Variants in FAM78A observed in about 807,000 individuals in gnomAD.
The protein encoded by FAM78A is family with sequence similarity 78 member A.
FAM78A carries 12 observed loss-of-function variants against 22.6 expected under a neutral mutation model. The observed-to-expected ratio is 0.53, with a 90% confidence interval of 0.34 to 0.86. The LOEUF (loss-of-function observed/expected upper bound fraction) is 0.86. Ranked by LOEUF, FAM78A falls within the 40% of genes least tolerant of loss-of-function variation. The pLI is 0.02. For missense variants in FAM78A, 322 were observed against 396.1 expected (o/e 0.81, Z 1.59); for synonymous variants, 151 against 155.8 (o/e 0.97, Z 0.23).
chr9:131,276,965 AG>A (rs1355972558), upstream of FAM78A, among the ~76,000 whole-genome samples: 1 of 149,486 alleles, frequency 6.7e-6, no homozygotes, highest in Non-Finnish European at 1.5e-5. The surrounding 1 kb of genome is among the most constrained non-coding windows in gnomAD (Gnocchi z 4.3). Context: ...TGGAAGGGAC[AG>A]CGCGTCAAGG....
rs1350755845 is a variant in FAM78A at position 131,258,139 on chromosome 9, A to AG, written c.*2682_*2683insC. 1 of 152,016 alleles carries AG rather than the reference A, an allele frequency of 6.6e-6. No homozygotes were observed. The highest frequency in any genetic ancestry group is 2.4e-5 in the African/African-American group (1 of 41,284). The allele number at this position is 152,016 out of a possible 1,614,324, so 9.4% of individuals were successfully genotyped here. A position where few individuals can be genotyped will look rare whatever the true frequency, so the allele number is the denominator to read the frequency against. On this transcript the variant is annotated 3_prime_UTR_variant, in exon 2 of 2. Coordinates refer to ENST00000372271, the MANE Select transcript of FAM78A (RefSeq NM_033387.4). Reference sequence around the variant, plus strand: ...TTTGCTTTTTGTTTTTTGTAAAAAAAAAAAGGTTCATTGTACATCTTCTTC... The same window carrying AG: ...TTTGCTTTTTGTTTTTTGTAAAAAAAGAAAAGGTTCATTGTACATCTTCTTC...
Position 131,274,358 on chromosome 9 carries a change from C to T in FAM78A, c.323+1499G>A, listed in dbSNP as rs1376389786. Among the ~76,000 whole-genome samples the T allele has an allele frequency of 2.0e-5, 3 of 152,240 alleles. No homozygotes were observed. The highest frequency in any genetic ancestry group is 1.9e-4 in the East Asian group (1 of 5,204). ...CAACTGTCCCGATGCCTTCAAAGCC[C>T]GAGGAGGTTTCTGGGCTTAAGCGTT... On this transcript the variant is annotated intron_variant, in intron 1 of 1. Coordinates refer to ENST00000372271, the MANE Select transcript of FAM78A (RefSeq NM_033387.4). This position sits in a 1 kb window ranked among gnomAD's most constrained non-coding sequence, Gnocchi z 4.2.
At position 131,275,842 on chromosome 9, in the gene FAM78A, C is replaced by G; in HGVS notation, c.323+15G>C. The stretch of plus-strand genomic sequence containing the variant: ...TCCCTAGCAGTTCCCAGAGCTGGCT[C>G]TCGGCCGTACTCACATGCCCTGCTC... On this transcript the variant is annotated intron_variant, in intron 1 of 1. Coordinates refer to ENST00000372271, the MANE Select transcript of FAM78A (RefSeq NM_033387.4). The surrounding 1 kb of genome is among the most constrained non-coding windows in gnomAD (Gnocchi z 4.6). 3 of 1,560,060 alleles carry G rather than the reference C, an allele frequency of 1.9e-6. No homozygotes were observed. The highest frequency in any genetic ancestry group is 1.2e-5 in the South Asian group (1 of 82,490).
upstream of FAM78A, among the ~76,000 whole-genome samples, chr9:131,279,535 G>A (rs1424578388): frequency 6.6e-6 from 1 of 152,248 alleles, no homozygotes; most frequent in African/African-American, 2.4e-5. Context: ...TGGAAATGAG[G>A]TGACAAGTTC....
intron 1 of FAM78A, among the ~76,000 whole-genome samples, chr9:131,268,833 C>T (rs893864850): frequency 1.3e-5 from 2 of 151,054 alleles, no homozygotes; most frequent in African/African-American, 2.4e-5. Context: ...GCGGAGCTTG[C>T]AGTGAGCCGA....
intron 1 of FAM78A, chr9:131,264,775 G>A: frequency 1.7e-6 from 1 of 590,292 alleles, no homozygotes; most frequent in South Asian, 2.1e-5. Context: ...TCAGGCTGGA[G>A]TGCAGTGGCG....
rs1169796402 is a variant in FAM78A at position 131,259,022 on chromosome 9, A to AAGG, written c.*1797_*1799dup. 6.5e-6 allele frequency: 1 copy of AAGG among 152,710 alleles called. No individual in the cohort carries two copies. The highest frequency in any genetic ancestry group is 1.5e-5 in the Non-Finnish European group (1 of 68,064). 9.5% of individuals were successfully genotyped at this position (152,710 alleles called of 1,614,324 possible). A position where few individuals can be genotyped will look rare whatever the true frequency, so the allele number is the denominator to read the frequency against. On this transcript the variant is annotated 3_prime_UTR_variant, in exon 2 of 2. Coordinates refer to ENST00000372271, the MANE Select transcript of FAM78A (RefSeq NM_033387.4). Reference sequence around the variant, plus strand: ...GAATAAACGCAATAGCCCGTGGACAAAGGAGCAGGGCAGGGACTTTGGTTC... The same window carrying AAGG: ...GAATAAACGCAATAGCCCGTGGACAAAGGAGGAGCAGGGCAGGGACTTTGGTTC...
rs889297503 is a variant in FAM78A, at chr9:131,259,187, T to C, written c.*1635A>G. 1 of 152,686 alleles carries C rather than the reference T, an allele frequency of 6.5e-6. No homozygotes were observed. Among genetic ancestry groups the C allele is most frequent in the African/African-American group, 2.4e-5 (1 of 41,444 alleles). The allele number at this position is 152,686 out of a possible 1,614,324, so 9.5% of individuals were successfully genotyped here. ...GGGTCCCGGGCGGGTAGCTGTGGGT[T>C]TGGCAAGCTGGAAGGAGCGTGGCTT... is the stretch of plus-strand genomic sequence containing the variant. On this transcript the variant is annotated 3_prime_UTR_variant, in exon 2 of 2. Transcript: ENST00000372271.
upstream of FAM78A, among the ~76,000 whole-genome samples, chr9:131,279,362 C>G (rs1360167667): frequency 6.6e-6 from 1 of 152,266 alleles, no homozygotes; most frequent in Non-Finnish European, 1.5e-5. Context: ...GTCCCTCTGA[C>G]AGTCACAGGG....
chr9:131,264,480 A>AGT, intron 1 of FAM78A: 1 of 671,562 alleles, frequency 1.5e-6, no homozygotes, highest in Non-Finnish European at 2.8e-6. Flanking sequence ...ACTGTGGTCC[A>AGT]GTCACAGACG....
At chr9:131,262,153 C>G (rs1184104727) in intron 1 of FAM78A, among the ~76,000 whole-genome samples, 1 of 151,436 alleles carries the variant, frequency 6.6e-6, no homozygotes, top group East Asian at 2.0e-4. Context: ...TGGTGAAACC[C>G]TGTCTCTACT....
rs1432122807 is a variant in FAM78A at position 131,265,679 on chromosome 9, C to G, written c.324-4329G>C. Reference sequence around the variant, plus strand: ...GGGATTACAGGCGTGAGCCACCGCACCTGGCTGTAAACAACCTGAGATTTT... The same window carrying G: ...GGGATTACAGGCGTGAGCCACCGCAGCTGGCTGTAAACAACCTGAGATTTT... On this transcript the variant is annotated intron_variant, in intron 1 of 1. Coordinates refer to ENST00000372271, the MANE Select transcript of FAM78A (RefSeq NM_033387.4). The surrounding 1 kb of genome is among the most constrained non-coding windows in gnomAD (Gnocchi z 4.3). 6.6e-6 allele frequency among the ~76,000 whole-genome samples: 1 copy of G among 152,228 alleles called. No individual in the cohort carries two copies. Among genetic ancestry groups the G allele is most frequent in the Non-Finnish European group, 1.5e-5 (1 of 68,034 alleles).
In FAM78A at chr9:131,261,412, C is replaced by G; in HGVS notation, c.324-62G>C. On this transcript the variant is annotated intron_variant, in intron 1 of 1. Transcript: ENST00000372271. The surrounding 1 kb of genome is among the most constrained non-coding windows in gnomAD (Gnocchi z 7.1). ...CTCAAGGAGGGCTTTCTGTGTCCCCCTGGCAGGCCAGGGGCTGTCCTGGGC... is the reference window on the plus strand; with the variant it reads ...CTCAAGGAGGGCTTTCTGTGTCCCCGTGGCAGGCCAGGGGCTGTCCTGGGC... 6.8e-7 allele frequency: 1 copy of G among 1,461,818 alleles called. No individual in the cohort carries two copies. Among genetic ancestry groups the G allele is most frequent in the East Asian group, 2.4e-5 (1 of 41,802 alleles). 90.6% of individuals were successfully genotyped at this position (1,461,818 alleles called of 1,614,324 possible). A position where few individuals can be genotyped will look rare whatever the true frequency, so the allele number is the denominator to read the frequency against.
At chr9:131,264,860 AC>A in intron 1 of FAM78A, 1 of 484,622 alleles carries the variant, frequency 2.1e-6, no homozygotes, top group Non-Finnish European at 3.7e-6. Context: ...AGTAGGTAGG[AC>A]CACAGGCACC....
rs1490038230 is a variant in FAM78A, at chr9:131,265,967, A to G, written c.324-4617T>C. Among the ~76,000 whole-genome samples the G allele has an allele frequency of 6.6e-6, 1 of 152,134 alleles. No homozygotes were observed. Among genetic ancestry groups the G allele is most frequent in the Non-Finnish European group, 1.5e-5 (1 of 68,004 alleles). Reference sequence around the variant, plus strand: ...CCGCAGCGTCCCTGTCCTGAGTCCCATCATCACCCACCCAACAAACATCTG... The same window carrying G: ...CCGCAGCGTCCCTGTCCTGAGTCCCGTCATCACCCACCCAACAAACATCTG... On this transcript the variant is annotated intron_variant, in intron 1 of 1. Coordinates refer to ENST00000372271, the MANE Select transcript of FAM78A (RefSeq NM_033387.4). This position sits in a 1 kb window ranked among gnomAD's most constrained non-coding sequence, Gnocchi z 4.3.
In FAM78A at chr9:131,275,578, C is replaced by T. The variant is rs1342489023; in HGVS notation, c.323+279G>A. On this transcript the variant is annotated intron_variant, in intron 1 of 1. Transcript: ENST00000372271. This position sits in a 1 kb window ranked among gnomAD's most constrained non-coding sequence, Gnocchi z 4.6. ...CCAGGAAACACTGGGAGTAATGTCT[C>T]TCTGCTTTCTCGGCATCTTGCAGGG... Among the ~76,000 whole-genome samples the T allele has an allele frequency of 6.6e-6, 1 of 152,226 alleles. No individual in the cohort carries two copies. The highest frequency in any genetic ancestry group is 1.5e-5 in the Non-Finnish European group (1 of 68,032).
chr9:131,278,326 G>T (rs997935258), upstream of FAM78A, among the ~76,000 whole-genome samples: 1 of 152,146 alleles, frequency 6.6e-6, no homozygotes, highest in African/African-American at 2.4e-5. Flanking sequence ...GGCTTTCTGG[G>T]GTTCGGAGCA....
In FAM78A at chr9:131,261,344, G is replaced by T; in HGVS notation, c.330C>A (p.Ser110Arg). ...YNQYGEQGMS[S>R]WELPDLQEGK... ...CCTCCTGGAGGTCGGGGAGCTCCCA[G>T]CTGGACCTGAGGACAAGGAAGGCCA... The change falls in exon 2 of 2, where the codon AGC becomes AGA. Residue 110 changes from serine (S) to arginine (R), a missense_variant. By Grantham distance (110) the Ser-to-Arg change is moderately radical. Coordinates refer to ENST00000372271, the MANE Select transcript of FAM78A (RefSeq NM_033387.4). This position sits in a 1 kb window ranked among gnomAD's most constrained non-coding sequence, Gnocchi z 7.1. The T allele has an allele frequency of 2.5e-6, 4 of 1,583,280 alleles. No individual in the cohort carries two copies. Among genetic ancestry groups the T allele is most frequent in the Non-Finnish European group, 3.4e-6 (4 of 1,171,500 alleles).
rs2131197713 is a variant in FAM78A, at chr9:131,275,623, G to GGGAA, written c.323+230_323+233dup. On this transcript the variant is annotated intron_variant, in intron 1 of 1. Coordinates refer to ENST00000372271, the MANE Select transcript of FAM78A (RefSeq NM_033387.4). The surrounding 1 kb of genome is among the most constrained non-coding windows in gnomAD (Gnocchi z 4.6). ...GCAGGGAAGGACACAGGAACCCGGG[G>GGGAA]GGAACAGTGGCAGGGTAGATTGCAG... Among the ~76,000 whole-genome samples, 1 of 152,318 alleles carries GGGAA rather than the reference G, an allele frequency of 6.6e-6. No individual in the cohort carries two copies. Among genetic ancestry groups the GGGAA allele is most frequent in the East Asian group, 1.9e-4 (1 of 5,190 alleles).
Sources: allele counts gnomAD v4.1 joint callset (sites outside exome capture counted in the v4.1 genomes callset), GRCh38; gene constraint gnomAD v4.1.1; non-coding constraint Gnocchi (gnomAD v3.1); transcripts MANE v1.5; gene names NCBI Gene and HGNC (gene_info 2026-07-23, HGNC 2026-07-21).